The following ATP7B variants were observed in gnomAD, a reference collection of about 807,000 sequenced individuals.
The protein encoded by ATP7B is copper-transporting ATPase 2.
Under a neutral mutation model 118.9 loss-of-function variants are expected in ATP7B, and 113 were observed. The observed-to-expected ratio is 0.95, with a 90% CI of 0.82 to 1.11. The LOEUF (loss-of-function observed/expected upper bound fraction) is 1.11, where lower values mean the gene tolerates loss of function less well. Among genes scored for constraint, ATP7B ranks in the 50% most tolerant of loss-of-function variants. The pLI is 0.00. For missense variants in ATP7B, 1,867 were observed against 1,871.4 expected, an observed-to-expected ratio of 1.00 and a Z score of 0.04; for synonymous variants, 777 against 727.4, an observed-to-expected ratio of 1.07 and a Z score of -1.10.
intron 1 of ATP7B, among the ~76,000 whole-genome samples, chr13:51,997,885 G>A (rs1192510159): frequency 1.3e-5 from 2 of 152,144 alleles, no homozygotes; most frequent in African/African-American, 4.8e-5. Context: ...GAGCGGGGAG[G>A]GTGGGAAGAA....
intron 3 of ATP7B, among the ~76,000 whole-genome samples, chr13:51,969,276 G>A (rs535177015): frequency 2.1e-4 from 32 of 151,644 alleles, no homozygotes; most frequent in Non-Finnish European, 3.4e-4. Context: ...CTGACTAGTC[G>A]GTCTAGGATG....
rs565085701 is a variant in ATP7B, at chr13:51,938,984, G to T, written c.3699+67C>A. On this transcript the variant is annotated intron_variant, in intron 17 of 20. Coordinates refer to ENST00000242839, the MANE Select transcript of ATP7B (RefSeq NM_000053.4). ...AGTACAGCTCAGTGCTGGGCCAACT[G>T]GTGCTTACTTTTGTCTCTAACTGCT... is the stretch of plus-strand genomic sequence containing the variant. 1.1e-5 allele frequency: 18 copies of T among 1,612,330 alleles called. No individual in the cohort carries two copies. In the African/African-American group the frequency reaches 2.3e-4, roughly 20 times the overall value.
chr13:51,981,536 A>G lies in ATP7B; in HGVS notation c.52-6368T>C, dbSNP rs930480951. Among the ~76,000 whole-genome samples the G allele has an allele frequency of 7.2e-5, 11 of 152,178 alleles. No individual in the cohort carries two copies. The East Asian group carries it at 1.9e-3, about 27-fold the overall frequency. ...AGTACTGCCTTGCTCGGCCTTATCT[A>G]AGAATTCTCTGGATGCCACAAATTC... On this transcript the variant is annotated intron_variant, in intron 1 of 20. Coordinates refer to ENST00000242839, the MANE Select transcript of ATP7B (RefSeq NM_000053.4).
At chr13:51,962,109 G>A (rs1958789134) in intron 5 of ATP7B, among the ~76,000 whole-genome samples, 196 bp from the exon 6 acceptor site, 1 of 152,106 alleles carries the variant, frequency 6.6e-6, no homozygotes, top group Non-Finnish European at 1.5e-5. Flanking sequence ...CAGCACTTCT[G>A]GGAAGACAGC....
intron 1 of ATP7B, 24 bp from the exon 2 acceptor site, chr13:51,975,192 T>A: frequency 6.2e-7 from 1 of 1,613,580 alleles, no homozygotes; most frequent in Non-Finnish European, 8.5e-7. Context: ...AAATAACATT[T>A]TTTAACCTTG....
At chr13:51,964,771 T>A (rs1489541948) in intron 5 of ATP7B, 101 bp downstream of exon 5, 2 of 1,412,872 alleles carry the variant, frequency 1.4e-6, no homozygotes, top group African/African-American at 2.9e-5. Flanking sequence ...AGAATTTTGG[T>A]TATTTTCATT....
chr13:51,986,659 A>C (rs1033372469), intron 1 of ATP7B, among the ~76,000 whole-genome samples: 1 of 152,216 alleles, frequency 6.6e-6, no homozygotes, highest in Non-Finnish European at 1.5e-5. Context: ...CGATGCAAAA[A>C]TTCTCAATAA....
At chr13:52,000,661 C>T (rs953527949) in intron 1 of ATP7B, among the ~76,000 whole-genome samples, 1 of 152,288 alleles carries the variant, frequency 6.6e-6, no homozygotes, top group East Asian at 1.9e-4. Context: ...ACAGTCTTCC[C>T]CACCTTAGTA....
At chr13:52,003,169 A>G (rs1486220532) in intron 1 of ATP7B, among the ~76,000 whole-genome samples, 1 of 152,226 alleles carries the variant, frequency 6.6e-6, no homozygotes, top group Non-Finnish European at 1.5e-5. Flanking sequence ...TTGGCACCAG[A>G]GGCCTAGGTT....
Position 51,942,552 on chromosome 13 carries a change from T to C in ATP7B, c.3246A>G (p.Glu1082=). Residue 1082 remains glutamate (E), a splice_region_variant and synonymous_variant, in exon 15 of 21, where the codon GAA becomes GAG. Coordinates refer to ENST00000242839, the MANE Select transcript of ATP7B (RefSeq NM_000053.4). ...GVAVTKYCKE[E]LGTETLGYCT... ...AGTATCCCAAGGTCTCTGTTCCAAG[T>C]TCCTGGGAAGGTGGAAAGAGAGGAA... The C allele has an allele frequency of 6.2e-7, 1 of 1,613,994 alleles. No homozygotes were observed. Among genetic ancestry groups the C allele is most frequent in the Non-Finnish European group, 8.5e-7 (1 of 1,180,000 alleles).
At chr13:51,993,684 G>C (rs1410823668) in intron 1 of ATP7B, among the ~76,000 whole-genome samples, 1 of 152,186 alleles carries the variant, frequency 6.6e-6, no homozygotes, top group Non-Finnish European at 1.5e-5. Flanking sequence ...ACATATCTCA[G>C]AGTTGGAAAT....
intron 1 of ATP7B, among the ~76,000 whole-genome samples, chr13:51,985,002 G>A (rs1232567771): frequency 6.6e-6 from 1 of 152,172 alleles, no homozygotes; most frequent in East Asian, 1.9e-4. Context: ...TGAAGAAACT[G>A]CATCAACTAA....
chr13:51,963,153 A>G (rs145595760), intron 5 of ATP7B, among the ~76,000 whole-genome samples: 1 of 152,228 alleles, frequency 6.6e-6, no homozygotes, highest in East Asian at 1.9e-4. Context: ...AAAGCACCAC[A>G]TGGGACTCTC....
intron 9 of ATP7B, among the ~76,000 whole-genome samples, chr13:51,951,697 TGAG>T (rs754335362): frequency 2.6e-5 from 4 of 151,652 alleles, no homozygotes; most frequent in African/African-American, 4.8e-5. Flanking sequence ...AGAGTGGGGA[TGAG>T]GAGGAGGAGG....
rs1459365269 is a variant in ATP7B at position 51,935,585 on chromosome 13, G to A, written c.4124+8C>T. 7.4e-6 allele frequency: 12 copies of A among 1,612,128 alleles called. No individual in the cohort carries two copies. Among genetic ancestry groups the A allele is most frequent in the Admixed American group, 3.3e-5 (2 of 59,778 alleles). ...CCTCCCACAGATGCTCCACCTGAGG[G>A]GACTCACCACTTGAGCTGCAGGGAT... On this transcript the variant is annotated splice_region_variant and intron_variant, in intron 20 of 20. Transcript: ENST00000242839.
chr13:51,975,395 G>C, intron 1 of ATP7B: 1 of 714,952 alleles, frequency 1.4e-6, no homozygotes, highest in East Asian at 2.8e-5. Context: ...CCTCCTTAGT[G>C]AAATGTCGTT....
At chr13:51,969,205 A>G (rs929432498) in intron 3 of ATP7B, among the ~76,000 whole-genome samples, 3 of 151,626 alleles carry the variant, frequency 2.0e-5, no homozygotes, top group African/African-American at 7.3e-5. Context: ...CTAGAAGAAC[A>G]ATGCTTCTCA....
chr13:51,958,422 C>T lies in ATP7B; in HGVS notation c.2244G>A (p.Leu748=), dbSNP rs1461573235. 2 of 1,614,222 alleles carry T rather than the reference C, an allele frequency of 1.2e-6. No individual in the cohort carries two copies. The highest frequency in any genetic ancestry group is 1.7e-6 in the Non-Finnish European group (2 of 1,180,052). The change falls in exon 8 of 21, where the codon CTG becomes CTA. Residue 748 remains leucine, a synonymous_variant. Transcript: ENST00000242839. ...CCGCCTTCTCAGCCACAGCAACCAC[C>T]AGGATGACCAGAGAATAAACATAAG... is the stretch of plus-strand genomic sequence containing the variant. ...SIAYVYSLVI[L]VVAVAEKAER...
intron 6 of ATP7B, 37 bp downstream of exon 6, chr13:51,961,800 G>C: frequency 6.3e-7 from 1 of 1,590,114 alleles, no homozygotes; most frequent in Non-Finnish European, 8.6e-7. Flanking sequence ...AAGGGACTTA[G>C]ATGAGAGCTG....
Sources: gnomAD v4.1 joint callset for allele counts (sites outside exome capture counted in the v4.1 genomes callset) on GRCh38, gnomAD v4.1.1 for gene constraint, MANE v1.5 for transcripts, NCBI Gene and HGNC (gene_info 2026-07-23, HGNC 2026-07-21) for gene names.